Variants in ROBO2 observed in about 807,000 individuals in gnomAD.
ROBO2 encodes the protein roundabout homolog 2.
In ROBO2, 53 loss-of-function variants were observed where a neutral mutation model predicts 160.8. That is an observed-to-expected ratio of 0.33 (90% CI 0.26 to 0.41). The LOEUF is 0.41. Ranked by LOEUF, ROBO2 falls within the 10% of genes least tolerant of loss-of-function variation. The pLI is 1.00. For synonymous variants in ROBO2, 664 were observed against 611.7 expected (o/e 1.09, Z -1.26); for missense variants, 1,577 against 1,722.4 (o/e 0.92, Z 1.49).
chr3:76,966,174 G>A (rs189928011), intron 2 of ROBO2, among the ~76,000 whole-genome samples: 39 of 152,004 alleles, frequency 2.6e-4, no homozygotes, highest in African/African-American at 8.2e-4. Flanking sequence ...CACCCACCTC[G>A]GCCTCCCAAA....
Position 76,536,630 on chromosome 3 carries a change from C to T in ROBO2, c.110-561384C>T, listed in dbSNP as rs891405906. The stretch of plus-strand genomic sequence containing the variant: ...CTGCTATTCCCATCGGGGATCCTCT[C>T]GGGGAACTGCCCTGGTGCCTTCTTG... On this transcript the variant is annotated intron_variant, in intron 2 of 26. Transcript: ENST00000487694. Among the ~76,000 whole-genome samples the T allele has an allele frequency of 2.6e-5, 4 of 152,216 alleles. No individual in the cohort carries two copies. In the East Asian group the frequency reaches 5.8e-4, roughly 22 times the overall value.
At chr3:75,978,434 G>C (rs984486643) in intron 2 of ROBO2, among the ~76,000 whole-genome samples, 1 of 151,256 alleles carries the variant, frequency 6.6e-6, no homozygotes, top group Non-Finnish European at 1.5e-5. Flanking sequence ...TCAATTGATG[G>C]TGTTCACCAA....
intron 2 of ROBO2, among the ~76,000 whole-genome samples, chr3:76,938,129 C>T (rs12631528): frequency 0.28 from 42,175 of 152,074 alleles, 6,878 homozygotes; most frequent in African/African-American, 0.45. Flanking sequence ...CAGGCCGAGG[C>T]GGGCAGATCA....
intron 2 of ROBO2, among the ~76,000 whole-genome samples, chr3:76,834,177 C>CTA (rs1198807332): frequency 1.4e-5 from 2 of 138,986 alleles, no homozygotes; most frequent in African/African-American, 5.4e-5. Context: ...TTCTTTCTCT[C>CTA]TCTCTCTCTC....
At chr3:77,092,349 C>G (rs933046459) in intron 1 of ROBO2, among the ~76,000 whole-genome samples, 2 of 151,764 alleles carry the variant, frequency 1.3e-5, no homozygotes, top group Admixed American at 1.3e-4. Context: ...CCATTCATTT[C>G]TAAAGAAGCC....
chr3:76,239,134 C>T (rs904852495), intron 2 of ROBO2, among the ~76,000 whole-genome samples: 2 of 152,012 alleles, frequency 1.3e-5, no homozygotes, highest in African/African-American at 4.8e-5. Context: ...AAAACCACCG[C>T]TATAATCTAG....
At chr3:76,584,871 G>GT (rs1308303936) in intron 2 of ROBO2, among the ~76,000 whole-genome samples, 3 of 152,294 alleles carry the variant, frequency 2.0e-5, no homozygotes, top group Non-Finnish European at 4.4e-5. Flanking sequence ...TCTTCCTGCA[G>GT]TGTCTATCCT....
intron 2 of ROBO2, among the ~76,000 whole-genome samples, chr3:77,002,428 A>G (rs1247723051): frequency 7.7e-6 from 1 of 129,220 alleles, no homozygotes; most frequent in African/African-American, 3.1e-5. Context: ...TATTCTTCAT[A>G]TTTTATCATG....
chr3:76,704,206 A>G (rs1489857426), intron 2 of ROBO2, among the ~76,000 whole-genome samples: 8 of 152,128 alleles, frequency 5.3e-5, no homozygotes, highest in African/African-American at 1.9e-4. Flanking sequence ...ATTTATGTCA[A>G]CAAGTTCATT....
intron 2 of ROBO2, among the ~76,000 whole-genome samples, chr3:76,947,931 C>T (rs1268728840): frequency 5.9e-5 from 9 of 152,152 alleles, no homozygotes; most frequent in Non-Finnish European, 1.3e-4. Context: ...TATTTTCCCA[C>T]GTTTTTCCAT....
Position 77,291,986 on chromosome 3 carries a change from G to C in ROBO2, c.389-185428G>C, listed in dbSNP as rs571559767. Among the ~76,000 whole-genome samples the C allele has an allele frequency of 1.8e-4, 27 of 151,886 alleles. 3 individuals carry two copies. Among genetic ancestry groups the C allele is most frequent in the Middle Eastern group, 3.4e-3 (1 of 292 alleles). On this transcript the variant is annotated intron_variant, in intron 2 of 25. Coordinates refer to ENST00000461745, the Ensembl canonical transcript of ROBO2. ...ATCACCCCAGACATAAAGTAAAATT[G>C]ATGGTTAAACGGGTAAGCTGAGGCT...
At chr3:76,492,403 C>G (rs1249060852) in intron 2 of ROBO2, among the ~76,000 whole-genome samples, 1 of 152,142 alleles carries the variant, frequency 6.6e-6, no homozygotes, top group Non-Finnish European at 1.5e-5. Context: ...CTCATAGACT[C>G]TGCCCATGGT....
At chr3:76,981,372 T>C (rs1266034876) in intron 2 of ROBO2, among the ~76,000 whole-genome samples, 1 of 152,206 alleles carries the variant, frequency 6.6e-6, no homozygotes, top group Admixed American at 6.5e-5. Context: ...ACTACAGCTA[T>C]CATAGTGGTT....
chr3:77,089,913 A>T (rs1298169241), intron 1 of ROBO2, among the ~76,000 whole-genome samples: 1 of 152,208 alleles, frequency 6.6e-6, no homozygotes, highest in East Asian at 1.9e-4. Context: ...ATGATTCATT[A>T]ATTCCATTAA....
rs1337773960 is a variant in ROBO2 at position 76,622,279 on chromosome 3, A to G, written c.110-475735A>G. Among the ~76,000 whole-genome samples, 109 of 53,180 alleles carry G rather than the reference A, an allele frequency of 2.0e-3. 8 individuals are homozygous for G. Among genetic ancestry groups the G allele is most frequent in the African/African-American group, 6.2e-3 (85 of 13,772 alleles). 34.9% of individuals were successfully genotyped at this position (53,180 alleles called of 152,430 possible). A position where few individuals can be genotyped will look rare whatever the true frequency, so the allele number is the denominator to read the frequency against. The stretch of plus-strand genomic sequence containing the variant: ...GAAAGAAAGAAAGAAAGAAAGAAAG[A>G]AAGAAAGAAAGAAAGAAAGAAAGAA... On this transcript the variant is annotated intron_variant, in intron 2 of 26. Transcript: ENST00000487694.
At chr3:76,571,462 T>C (rs2084952744) in intron 2 of ROBO2, among the ~76,000 whole-genome samples, 1 of 151,826 alleles carries the variant, frequency 6.6e-6, no homozygotes, top group Admixed American at 6.6e-5. Flanking sequence ...TAGAGGTTTT[T>C]ATACCAAGAT....
intron 2 of ROBO2, among the ~76,000 whole-genome samples, chr3:76,145,779 A>G (rs758684731): frequency 1.3e-5 from 2 of 152,064 alleles, no homozygotes; most frequent in Non-Finnish European, 2.9e-5. Context: ...TAGTTTTTCA[A>G]ACTAATTAGA....
chr3:76,583,988 T>C (rs1026632716), intron 2 of ROBO2, among the ~76,000 whole-genome samples: 25 of 152,292 alleles, frequency 1.6e-4, no homozygotes, highest in Admixed American at 5.9e-4. Flanking sequence ...CCTGAACACA[T>C]TTCTTCATCT....
intron 2 of ROBO2, among the ~76,000 whole-genome samples, chr3:76,826,198 G>GT (rs2066575088): frequency 3.3e-5 from 5 of 151,980 alleles, no homozygotes; most frequent in Admixed American, 3.3e-4. Flanking sequence ...TTGGCTGAGC[G>GT]TAAGCCTGCC....
Sources: allele counts gnomAD v4.1 joint callset (sites outside exome capture counted in the v4.1 genomes callset), GRCh38; gene constraint gnomAD v4.1.1; transcripts MANE v1.5; gene names NCBI Gene and HGNC (gene_info 2026-07-23, HGNC 2026-07-21).